Variants in ZGRF1 observed in about 807,000 individuals in gnomAD.
The protein encoded by ZGRF1 is zinc finger GRF-type containing 1, also known as 5'-3' DNA helicase ZGRF1.
A neutral mutation model predicts 203.5 loss-of-function variants in ZGRF1; 196 were observed. That is an observed-to-expected ratio of 0.96 (90% CI 0.86 to 1.08). ZGRF1 has a LOEUF of 1.08. Ranked by LOEUF, ZGRF1 falls within the 50% of genes least tolerant of loss-of-function variation. The pLI, the probability that ZGRF1 is intolerant of heterozygous loss-of-function variation, is 0.00. For synonymous variants in ZGRF1, 809 were observed against 841.3 expected (o/e 0.96, Z 0.66); for missense variants, 2,326 against 2,416.3 (o/e 0.96, Z 0.78).
chr4:112,606,699 T>C (rs972962750), intron 8 of ZGRF1, among the ~76,000 whole-genome samples: 8 of 151,338 alleles, frequency 5.3e-5, no homozygotes, highest in African/African-American at 2.4e-5. Context: ...GCCAGGTACA[T>C]AATAAATCAC....
At position 112,560,737 on chromosome 4, in the gene ZGRF1, T is replaced by C; in HGVS notation, c.4956A>G (p.Ile1652Met). ...ATTTTCTTTCTTGCTTCTTACCATG[T>C]ATGATTGTGATAGGGAAGGTATGAG... The part of the protein sequence containing the change: ...LQTHTFPITI[I>M]HGVFGAGKSY... The change falls in exon 19 of 28, where the codon ATA (isoleucine) becomes ATG (methionine). Residue 1652 changes from isoleucine (I) to methionine (M), a missense_variant. Coordinates refer to ENST00000505019, the MANE Select transcript of ZGRF1 (RefSeq NM_018392.5). The C allele has an allele frequency of 6.3e-7, 1 of 1,583,520 alleles. No homozygotes were observed. Among genetic ancestry groups the C allele is most frequent in the Non-Finnish European group, 8.6e-7 (1 of 1,159,038 alleles).
intron 9 of ZGRF1, among the ~76,000 whole-genome samples, chr4:112,604,428 A>G (rs949206019): frequency 6.6e-6 from 1 of 152,188 alleles, no homozygotes; most frequent in Non-Finnish European, 1.5e-5. Context: ...TCATACTTCA[A>G]TGAAGTTTTT....
Position 112,585,628 on chromosome 4 carries a change from TTTCTCTCCC to T in ZGRF1, c.4005_4013del (p.Gly1336_Lys1338del). Reference sequence around the variant, plus strand: ...GTACATTATTTTCTGCGTTTTTCAGTTTCTCTCCCTTCAATGATGTATAAAATGATATGT... The same window carrying T: ...GTACATTATTTTCTGCGTTTTTCAGTTTCAATGATGTATAAAATGATATGT... On this transcript the variant is annotated inframe_deletion, in exon 14 of 28. Transcript: ENST00000505019. 2 of 1,612,034 alleles carry T rather than the reference TTTCTCTCCC, an allele frequency of 1.2e-6. No individual in the cohort carries two copies. Among genetic ancestry groups the T allele is most frequent in the Non-Finnish European group, 1.7e-6 (2 of 1,179,080 alleles).
In ZGRF1 at chr4:112,585,770, ATT is replaced by A. The variant is rs753890093; in HGVS notation, c.3917-47_3917-46del. 9.6e-6 allele frequency: 14 copies of A among 1,453,292 alleles called. No individual in the cohort carries two copies. In the Admixed American group the frequency reaches 2.4e-4, roughly 25 times the overall value. The allele number at this position is 1,453,292 out of a possible 1,614,324, so 90.0% of individuals were successfully genotyped here. A position where few individuals can be genotyped will look rare whatever the true frequency, so the allele number is the denominator to read the frequency against. On this transcript the variant is annotated intron_variant, in intron 13 of 27. Coordinates refer to ENST00000505019, the MANE Select transcript of ZGRF1 (RefSeq NM_018392.5). ...AGAGCAGAAAATTAAATACAAAATA[ATT>A]TTGTTTGTATCACATATGTGCTGTT...
rs373440601 is a variant in ZGRF1, at chr4:112,539,711, A to G, written c.6173-22T>C. 29 of 1,585,556 alleles carry G rather than the reference A, an allele frequency of 1.8e-5. No homozygotes were observed. In the African/African-American group the frequency reaches 3.5e-4, roughly 19 times the overall value. ...CTTCCTTAAAAAAACATACGACATG[A>G]GACAACTATTCTTTATTTTACAGAG... On this transcript the variant is annotated intron_variant, in intron 27 of 27. Transcript: ENST00000505019.
chr4:112,635,930 T>G (rs1385046968), intron 1 of ZGRF1, among the ~76,000 whole-genome samples: 1 of 151,820 alleles, frequency 6.6e-6, no homozygotes, highest in African/African-American at 2.4e-5. Flanking sequence ...AGACTGAAAC[T>G]CTTAAAGGAT....
intron 10 of ZGRF1, among the ~76,000 whole-genome samples, chr4:112,597,843 C>T (rs1749284747): frequency 6.6e-6 from 1 of 150,882 alleles, no homozygotes; most frequent in Non-Finnish European, 1.5e-5. Flanking sequence ...GAGATCGTGC[C>T]ACTTCACTCC....
chr4:112,610,336 C>T (rs1049170380), intron 7 of ZGRF1, among the ~76,000 whole-genome samples: 3 of 151,980 alleles, frequency 2.0e-5, no homozygotes, highest in African/African-American at 4.8e-5. Context: ...TTTGGGAGGC[C>T]GAGGTGGGCA....
Position 112,547,282 on chromosome 4 carries a change from T to G in ZGRF1, c.5598+3A>C. The G allele has an allele frequency of 6.2e-7, 1 of 1,611,438 alleles. No homozygotes were observed. Among genetic ancestry groups the G allele is most frequent in the Non-Finnish European group, 8.5e-7 (1 of 1,179,016 alleles). ...AATTCCGTAAGAATTCAGCAGTATG[T>G]ACCATTAAGCAAAGTCGATCAAAAA... On this transcript the variant is annotated splice_donor_region_variant and intron_variant, in intron 24 of 27. Transcript: ENST00000505019.
intron 7 of ZGRF1, chr4:112,611,064 G>GA: frequency 5.3e-6 from 1 of 188,036 alleles, no homozygotes; most frequent in Non-Finnish European, 1.1e-5. Flanking sequence ...ATTAAAAGGG[G>GA]AAAAAAAGGA....
chr4:112,602,358 C>T (rs571899766), intron 10 of ZGRF1, among the ~76,000 whole-genome samples: 3 of 152,172 alleles, frequency 2.0e-5, no homozygotes, highest in Non-Finnish European at 4.4e-5. Flanking sequence ...ACCAGAATAG[C>T]TAAAACTGAA....
In ZGRF1 at chr4:112,628,658, A is replaced by G. The variant is rs747165022; in HGVS notation, c.102+3272T>C. 138 of 456,152 alleles carry G rather than the reference A, an allele frequency of 3.0e-4. 2 individuals are homozygous for G. Among genetic ancestry groups the G allele is most frequent in the Non-Finnish European group, 5.0e-4 (114 of 226,940 alleles). The allele number at this position is 456,152 out of a possible 1,614,324, so 28.3% of individuals were successfully genotyped here. A position where few individuals can be genotyped will look rare whatever the true frequency, so the allele number is the denominator to read the frequency against. ...AACTTTCAGGGACTAACTTGAATCT[A>G]TCTTGTTTTCCTATAACCTACTTGT... On this transcript the variant is annotated intron_variant, in intron 3 of 27. Coordinates refer to ENST00000505019, the MANE Select transcript of ZGRF1 (RefSeq NM_018392.5).
chr4:112,606,454 G>T (rs950222971), intron 8 of ZGRF1, among the ~76,000 whole-genome samples: 1 of 152,198 alleles, frequency 6.6e-6, no homozygotes. Context: ...CTCAGGTCAG[G>T]AGTTCGAGAC....
At chr4:112,582,484 C>G (rs763118329) in intron 15 of ZGRF1, among the ~76,000 whole-genome samples, 1 of 151,928 alleles carries the variant, frequency 6.6e-6, no homozygotes, top group African/African-American at 2.4e-5. Flanking sequence ...CAGAGTCTGG[C>G]TTTGTTGCCC....
Position 112,558,193 on chromosome 4 carries a change from T to A in ZGRF1, c.5077A>T (p.Ile1693Phe). 1 of 1,609,404 alleles carries A rather than the reference T, an allele frequency of 6.2e-7. No homozygotes were observed. The highest frequency in any genetic ancestry group is 8.5e-7 in the Non-Finnish European group (1 of 1,178,350). Residue 1693 changes from isoleucine (I) to phenylalanine (F), a missense_variant, in exon 20 of 28, where the codon ATT (isoleucine) becomes TTT (phenylalanine). Physicochemically the swap from Ile to Phe is conservative, Grantham distance 21 (BLOSUM62 0). Coordinates refer to ENST00000505019, the MANE Select transcript of ZGRF1 (RefSeq NM_018392.5). ...ACAGCCACATTAGTAGAAGAAGAAA[T>A]CAGAAGTTTCCACGGCCTTGCATTT... ...IGNARPWKLL[I>F]SSSTNVAVDR...
chr4:112,541,809 G>A (rs897271292), intron 24 of ZGRF1, among the ~76,000 whole-genome samples: 3 of 152,128 alleles, frequency 2.0e-5, no homozygotes, highest in African/African-American at 7.2e-5. Context: ...TTACAGGCGT[G>A]AGCCACCACG....
Position 112,618,817 on chromosome 4 carries a change from A to C in ZGRF1, c.1225T>G (p.Phe409Val). The change falls in exon 6 of 28, where the codon TTC becomes GTC. Residue 409 changes from phenylalanine (F) to valine (V), a missense_variant. Coordinates refer to ENST00000505019, the MANE Select transcript of ZGRF1 (RefSeq NM_018392.5). Reference protein sequence around the residue: ...NQEVKLEIPSFNESSSLQVTC... With the variant: ...NQEVKLEIPSVNESSSLQVTC... The stretch of plus-strand genomic sequence containing the variant: ...ACCTGTAAGCTACTGCTTTCATTGA[A>C]TGAAGGAATTTCTAATTTTACTTCC... 1 of 1,613,094 alleles carries C rather than the reference A, an allele frequency of 6.2e-7. No homozygotes were observed. Among genetic ancestry groups the C allele is most frequent in the Non-Finnish European group, 8.5e-7 (1 of 1,179,768 alleles).
At chr4:112,542,988 A>G (rs1368667540) in intron 24 of ZGRF1, among the ~76,000 whole-genome samples, 2 of 151,804 alleles carry the variant, frequency 1.3e-5, no homozygotes, top group Non-Finnish European at 2.9e-5. Context: ...GAGCCATCAC[A>G]CCCAGCTTGC....
At chr4:112,558,963 TA>T (rs1162044851) in intron 19 of ZGRF1, among the ~76,000 whole-genome samples, 1 of 152,178 alleles carries the variant, frequency 6.6e-6, no homozygotes, top group East Asian at 1.9e-4. Context: ...ACTTCCAGAA[TA>T]AGATGTCCAG....
Sources: allele counts gnomAD v4.1 joint callset (sites outside exome capture counted in the v4.1 genomes callset), GRCh38; gene constraint gnomAD v4.1.1; transcripts MANE v1.5; gene names NCBI Gene and HGNC (gene_info 2026-07-23, HGNC 2026-07-21).